Variants in FAM193A observed in about 807,000 individuals in gnomAD.
FAM193A encodes the protein protein FAM193A.
Under a neutral mutation model 126.5 loss-of-function variants are expected in FAM193A, and 22 were observed. The observed-to-expected ratio is 0.17, with a 90% CI of 0.12 to 0.25. FAM193A has a LOEUF of 0.25. Ranked by LOEUF, FAM193A falls within the 10% of genes least tolerant of loss-of-function variation. FAM193A has a pLI of 1.00. For missense variants in FAM193A, 1,675 were observed against 1,672.8 expected (o/e 1.00, Z -0.02); for synonymous variants, 761 against 646.8 (o/e 1.18, Z -2.68).
intron 20 of FAM193A, among the ~76,000 whole-genome samples, chr4:2,729,270 A>G (rs1371453934): frequency 6.6e-6 from 1 of 152,112 alleles, no homozygotes; most frequent in Non-Finnish European, 1.5e-5. Flanking sequence ...CGGGAAGGGA[A>G]GATCGCCTCA....
intron 13 of FAM193A, among the ~76,000 whole-genome samples, chr4:2,674,833 CAAA>C (rs75774261): frequency 2.8e-5 from 3 of 105,882 alleles, no homozygotes; most frequent in African/African-American, 8.4e-5. Context: ...CTGTCTCTAC[CAAA>C]AAAAAAAAAA....
intron 1 of FAM193A, among the ~76,000 whole-genome samples, chr4:2,576,450 A>G (rs1739595440): frequency 1.3e-5 from 2 of 152,292 alleles, no homozygotes; most frequent in Admixed American, 6.5e-5. Context: ...CTATAGGTCC[A>G]GCTTCAGGGG....
chr4:2,674,873 TGAA>T (rs990769837), intron 13 of FAM193A, among the ~76,000 whole-genome samples: 2 of 151,964 alleles, frequency 1.3e-5, no homozygotes, highest in African/African-American at 4.8e-5. Context: ...TAAAAAGACT[TGAA>T]GACTAATTTC....
chr4:2,540,050 G>A (rs1737133213), intron 1 of FAM193A, among the ~76,000 whole-genome samples: 2 of 151,272 alleles, frequency 1.3e-5, no homozygotes, highest in Admixed American at 1.3e-4. Context: ...CCTGGGAGAT[G>A]TAGGTTGCAG....
At chr4:2,711,486 T>C (rs1450166392) in intron 19 of FAM193A, among the ~76,000 whole-genome samples, 1 of 151,600 alleles carries the variant, frequency 6.6e-6, no homozygotes, top group Non-Finnish European at 1.5e-5. Flanking sequence ...ATTACAGGCA[T>C]GCACCACCAC....
rs75464366 is a variant in FAM193A, at chr4:2,650,487, C to G, written c.1311+3655C>G. Among the ~76,000 whole-genome samples the G allele has an allele frequency of 5.0e-3, 764 of 152,344 alleles. 4 individuals carry two copies. Among genetic ancestry groups the G allele is most frequent in the African/African-American group, 0.017 (725 of 41,574 alleles). ...CTCAAGGGAACGAAGCGCACCTGCTCTGGCCTCACGGGTGCGGTAGGGGAA... is the reference window on the plus strand; with the variant it reads ...CTCAAGGGAACGAAGCGCACCTGCTGTGGCCTCACGGGTGCGGTAGGGGAA... On this transcript the variant is annotated intron_variant, in intron 7 of 20. Coordinates refer to ENST00000637812, the MANE Select transcript of FAM193A (RefSeq NM_001366318.2).
chr4:2,658,022 C>G (rs1241082033), intron 8 of FAM193A, 142 bp downstream of exon 8: 11 of 651,740 alleles, frequency 1.7e-5, no homozygotes, highest in Non-Finnish European at 2.7e-5. Flanking sequence ...AAAAACTGTT[C>G]AAGATGGTGT....
chr4:2,608,892 CTTT>C (rs747565544), intron 2 of FAM193A, among the ~76,000 whole-genome samples: 4 of 138,080 alleles, frequency 2.9e-5, no homozygotes, highest in Admixed American at 7.2e-5. Flanking sequence ...TGAATTTCAC[CTTT>C]TTTTTTTTTT....
At chr4:2,593,191 C>A (rs1360943763) in intron 1 of FAM193A, among the ~76,000 whole-genome samples, 1 of 152,216 alleles carries the variant, frequency 6.6e-6, no homozygotes, top group Non-Finnish European at 1.5e-5. Flanking sequence ...GGCTCCTTCA[C>A]AGCCTTATCC....
At chr4:2,708,206 A>G (rs1013934189) in intron 19 of FAM193A, 6 of 444,514 alleles carry the variant, frequency 1.3e-5, no homozygotes, top group Non-Finnish European at 2.7e-5. Context: ...GCTCACTGCA[A>G]CCTTCGCCTC....
At chr4:2,682,313 A>G (rs1577197548) in intron 13 of FAM193A, among the ~76,000 whole-genome samples, 1 of 152,100 alleles carries the variant, frequency 6.6e-6, no homozygotes. Context: ...TCTTGTAGAC[A>G]TGTATAGTTG....
intron 2 of FAM193A, among the ~76,000 whole-genome samples, chr4:2,624,270 G>A (rs1438295068): frequency 1.3e-5 from 2 of 151,970 alleles, no homozygotes; most frequent in Non-Finnish European, 2.9e-5. Flanking sequence ...TCAGCCTCCC[G>A]AGTAGTTGAG....
Position 2,626,588 on chromosome 4 carries a change from C to T in FAM193A, c.803+11C>T, listed in dbSNP as rs1742987864. The T allele has an allele frequency of 2.9e-6, 2 of 686,432 alleles. No homozygotes were observed. The highest frequency in any genetic ancestry group is 3.2e-4 in the Middle Eastern group (1 of 3,106). The allele number at this position is 686,432 out of a possible 1,614,324, so 42.5% of individuals were successfully genotyped here. A position where few individuals can be genotyped will look rare whatever the true frequency, so the allele number is the denominator to read the frequency against. ...GGAGCTCGTGGATAGGTACATACTG[C>T]CCTTTCCTGTTGTGGCCCCATGCAA... On this transcript the variant is annotated intron_variant, in intron 4 of 20. Coordinates refer to ENST00000637812, the MANE Select transcript of FAM193A (RefSeq NM_001366318.2).
intron 1 of FAM193A, among the ~76,000 whole-genome samples, chr4:2,568,750 C>T (rs1019907672): frequency 1.3e-5 from 2 of 152,224 alleles, no homozygotes; most frequent in African/African-American, 2.4e-5. Context: ...AATAATAAAT[C>T]TTAGTAACGA....
chr4:2,607,813 C>T (rs2108935195), intron 2 of FAM193A: 1 of 557,348 alleles, frequency 1.8e-6, no homozygotes, highest in Non-Finnish European at 3.1e-6. Context: ...TTGTCTTTTT[C>T]TTATTGACTT....
intron 4 of FAM193A, among the ~76,000 whole-genome samples, chr4:2,630,211 C>G (rs1044299179): frequency 4.0e-5 from 6 of 150,304 alleles, no homozygotes; most frequent in African/African-American, 1.5e-4. Flanking sequence ...GCCTGAAATT[C>G]ATGAAAATGC....
chr4:2,730,692 GAAAAA>G (rs370359383), intron 20 of FAM193A, among the ~76,000 whole-genome samples: 5 of 132,986 alleles, frequency 3.8e-5, no homozygotes, highest in Admixed American at 7.5e-5. Context: ...TCCGTGTCAA[GAAAAA>G]AAAAAAAGCT....
intron 6 of FAM193A, among the ~76,000 whole-genome samples, chr4:2,644,322 G>C (rs1744923581): frequency 6.6e-6 from 1 of 152,188 alleles, no homozygotes; most frequent in South Asian, 2.1e-4. Context: ...AGGAACACAT[G>C]ACAGGGTATA....
intron 5 of FAM193A, among the ~76,000 whole-genome samples, chr4:2,632,240 C>T (rs1034447130): frequency 9.2e-5 from 14 of 152,116 alleles, no homozygotes; most frequent in African/African-American, 2.9e-4. Context: ...TGGTCTTTAT[C>T]TGATTCTCAA....
Sources: allele counts gnomAD v4.1 joint callset (sites outside exome capture counted in the v4.1 genomes callset), GRCh38; gene constraint gnomAD v4.1.1; transcripts MANE v1.5; gene names NCBI Gene and HGNC (gene_info 2026-07-23, HGNC 2026-07-21).